ITPR2: variants seen among roughly 807,000 people sequenced by gnomAD.
ITPR2 encodes inositol 1,4,5-trisphosphate receptor type 2.
In ITPR2, 207 loss-of-function variants were observed where a neutral mutation model predicts 317.1. That is an observed-to-expected ratio of 0.65 (90% CI 0.58 to 0.73). The LOEUF is 0.73. Among genes scored for constraint, ITPR2 ranks in the 30% least tolerant of loss-of-function variants. The pLI is 0.00. For missense variants in ITPR2, 2,613 were observed against 3,284.0 expected, an observed-to-expected ratio of 0.80 and a Z score of 4.99; for synonymous variants, 1,156 against 1,149.1, an observed-to-expected ratio of 1.01 and a Z score of -0.12.
At chr12:26,783,418 C>T (rs1190753301) in intron 2 of ITPR2, among the ~76,000 whole-genome samples, 2 of 152,178 alleles carry the variant, frequency 1.3e-5, no homozygotes, top group African/African-American at 4.8e-5. Flanking sequence ...GAAATGGTCC[C>T]TGGGTTCTCC....
At chr12:26,554,465 C>G (rs926673097) in intron 36 of ITPR2, among the ~76,000 whole-genome samples, 62 of 152,196 alleles carry the variant, frequency 4.1e-4, no homozygotes, top group African/African-American at 1.4e-3. Flanking sequence ...GTGGGGTACA[C>G]AGTCTCTGTG....
In ITPR2 at chr12:26,339,291, T is replaced by C; in HGVS notation, c.*106A>G. 1 of 948,416 alleles carries C rather than the reference T, an allele frequency of 1.1e-6. No individual in the cohort carries two copies. The highest frequency in any genetic ancestry group is 2.3e-5 in the Admixed American group (1 of 44,216). 58.8% of individuals were successfully genotyped at this position (948,416 alleles called of 1,614,324 possible). On this transcript the variant is annotated 3_prime_UTR_variant, in exon 57 of 57. Coordinates refer to ENST00000381340, the MANE Select transcript of ITPR2 (RefSeq NM_002223.4). ...CAACATCTTGGCACTTGGTTGTTTTTAACTTTTCAACAATAGGCACTGTTC... is the reference window on the plus strand; with the variant it reads ...CAACATCTTGGCACTTGGTTGTTTTCAACTTTTCAACAATAGGCACTGTTC...
At chr12:26,685,142 A>G (rs1948103062) in intron 11 of ITPR2, among the ~76,000 whole-genome samples, 1 of 152,210 alleles carries the variant, frequency 6.6e-6, no homozygotes, top group African/African-American at 2.4e-5. Context: ...CACCACTGCC[A>G]TCTGCCAAGG....
intron 55 of ITPR2, among the ~76,000 whole-genome samples, chr12:26,364,147 C>A (rs994794021): frequency 8.5e-5 from 13 of 152,156 alleles, no homozygotes; most frequent in African/African-American, 3.1e-4. Flanking sequence ...GGGTCAGATA[C>A]CATCATCTTT....
At chr12:26,429,614 G>A (rs1941152388) in intron 48 of ITPR2, among the ~76,000 whole-genome samples, 1 of 152,150 alleles carries the variant, frequency 6.6e-6, no homozygotes, top group South Asian at 2.1e-4. Flanking sequence ...ACTCCACCAG[G>A]ATGTACAATC....
intron 37 of ITPR2, among the ~76,000 whole-genome samples, chr12:26,523,857 T>A (rs972126184): frequency 6.6e-6 from 1 of 152,252 alleles, no homozygotes; most frequent in African/African-American, 2.4e-5. Context: ...GTGTCTCCAG[T>A]GGAGCACAGT....
intron 45 of ITPR2, among the ~76,000 whole-genome samples, chr12:26,447,579 T>A (rs1941638938): frequency 6.6e-6 from 1 of 152,000 alleles, no homozygotes; most frequent in South Asian, 2.1e-4. Context: ...TATTTCTTCG[T>A]ATTTTTCATC....
Position 26,448,377 on chromosome 12 carries a change from A to G in ITPR2, c.6343-4727T>C, listed in dbSNP as rs183655363. Among the ~76,000 whole-genome samples the G allele has an allele frequency of 3.3e-4, 50 of 151,974 alleles. No homozygotes were observed. The East Asian group carries it at 7.7e-3, about 24-fold the overall frequency. The stretch of plus-strand genomic sequence containing the variant: ...AAAAGGGGGAAATGCCATGGGGGGG[A>G]AATCTCTGGGTCTTAGAAATACTTG... On this transcript the variant is annotated intron_variant, in intron 45 of 56. Transcript: ENST00000381340.
In ITPR2 at chr12:26,567,365, C is replaced by T. The variant is rs549588736; in HGVS notation, c.4631-5413G>A. Reference sequence around the variant, plus strand: ...ATTCTTCTATAGCCAGCACCATGGACAAACCAGGCTGGGGAGACTCCACGA... The same window carrying T: ...ATTCTTCTATAGCCAGCACCATGGATAAACCAGGCTGGGGAGACTCCACGA... On this transcript the variant is annotated intron_variant, in intron 34 of 56. Transcript: ENST00000381340. Among the ~76,000 whole-genome samples, 6 of 152,318 alleles carry T rather than the reference C, an allele frequency of 3.9e-5. No individual in the cohort carries two copies. The South Asian group carries it at 1.2e-3, about 32-fold the overall frequency.
intron 10 of ITPR2, among the ~76,000 whole-genome samples, chr12:26,689,571 T>A (rs1279659787): frequency 6.6e-6 from 1 of 151,878 alleles, no homozygotes; most frequent in Non-Finnish European, 1.5e-5. Context: ...AACATGAAAA[T>A]CTAGGTGTTA....
chr12:26,481,326 C>A (rs1421098185), intron 42 of ITPR2, 85 bp from the exon 43 acceptor site: 3 of 766,648 alleles, frequency 3.9e-6, no homozygotes, highest in Non-Finnish European at 6.4e-6. Context: ...AACATAATCA[C>A]CTTAATTTTT....
In ITPR2 at chr12:26,518,535, G is replaced by T. The variant is rs866038530; in HGVS notation, c.5074-23275C>A. On this transcript the variant is annotated intron_variant, in intron 37 of 56. Transcript: ENST00000381340. Reference sequence around the variant, plus strand: ...CCTAAAATAAATGTTGTCGGGGAAGGGGGGGCGGGAATAAATACAAATAAA... The same window carrying T: ...CCTAAAATAAATGTTGTCGGGGAAGTGGGGGCGGGAATAAATACAAATAAA... 4.1e-5 allele frequency among the ~76,000 whole-genome samples: 6 copies of T among 147,740 alleles called. No individual in the cohort carries two copies. The South Asian group carries it at 6.2e-4, about 15-fold the overall frequency.
intron 32 of ITPR2, among the ~76,000 whole-genome samples, chr12:26,594,290 C>A (rs1447445485): frequency 2.0e-5 from 3 of 149,676 alleles, no homozygotes; most frequent in African/African-American, 7.5e-5. Flanking sequence ...ACTTGGAAAC[C>A]CTGGCTAAAT....
intron 37 of ITPR2, among the ~76,000 whole-genome samples, chr12:26,533,822 G>A (rs959041549): frequency 2.6e-5 from 4 of 152,190 alleles, no homozygotes; most frequent in Non-Finnish European, 4.4e-5. Flanking sequence ...AGCCTCCAGA[G>A]CTATAAGAAA....
intron 37 of ITPR2, among the ~76,000 whole-genome samples, chr12:26,537,307 G>A (rs895807665): frequency 2.6e-5 from 4 of 152,190 alleles, no homozygotes. Flanking sequence ...CCAAGAGGAT[G>A]GGGGACTCTT....
At chr12:26,611,335 A>G (rs115667762) in intron 26 of ITPR2, among the ~76,000 whole-genome samples, 2,504 of 152,314 alleles carry the variant, frequency 0.016, 77 homozygotes, top group African/African-American at 0.058. Context: ...TCACACATCC[A>G]TTAAAAGAAC....
intron 55 of ITPR2, among the ~76,000 whole-genome samples, chr12:26,384,114 G>T (rs551716742): frequency 6.6e-6 from 1 of 152,202 alleles, no homozygotes; most frequent in East Asian, 1.9e-4. Flanking sequence ...AGTTTGAAGA[G>T]TAGCTACCTC....
At chr12:26,793,162 T>C (rs953348747) in intron 1 of ITPR2, among the ~76,000 whole-genome samples, 31 of 152,300 alleles carry the variant, frequency 2.0e-4, no homozygotes, top group African/African-American at 6.7e-4. Context: ...TTAACTTTTA[T>C]AAGCTAAGGA....
chr12:26,693,125 T>C (rs1282744529), intron 10 of ITPR2, among the ~76,000 whole-genome samples: 1 of 152,204 alleles, frequency 6.6e-6, no homozygotes, highest in African/African-American at 2.4e-5. Flanking sequence ...AAATCAACTG[T>C]CTGCAGTTGG....
Sources: gnomAD v4.1 joint callset for allele counts (sites outside exome capture counted in the v4.1 genomes callset) on GRCh38, gnomAD v4.1.1 for gene constraint, MANE v1.5 for transcripts, NCBI Gene and HGNC (gene_info 2026-07-23, HGNC 2026-07-21) for gene names.